Variants in CCNY observed in about 807,000 individuals in gnomAD.
CCNY encodes cyclin Y.
In CCNY, 19 loss-of-function variants were observed where a neutral mutation model predicts 42.8. The observed-to-expected ratio is 0.44, with a 90% CI of 0.31 to 0.65. The LOEUF (loss-of-function observed/expected upper bound fraction) is 0.65, where lower values mean the gene tolerates loss of function less well. Among genes scored for constraint, CCNY ranks in the 30% least tolerant of loss-of-function variants. The pLI is 0.07. For synonymous variants in CCNY, 165 were observed against 162.7 expected (o/e 1.01, Z -0.11); for missense variants, 370 against 437.3 (o/e 0.85, Z 1.37).
intron 1 of CCNY, among the ~76,000 whole-genome samples, chr10:35,404,765 G>T (rs1486659443): frequency 6.6e-6 from 1 of 152,192 alleles, no homozygotes; most frequent in Admixed American, 6.5e-5. Context: ...GACACAATCA[G>T]CAGGGAGAAC....
At chr10:35,533,680 A>G (rs1175620982) in intron 7 of CCNY, among the ~76,000 whole-genome samples, 1 of 152,188 alleles carries the variant, frequency 6.6e-6, no homozygotes, top group Non-Finnish European at 1.5e-5. Context: ...CTCCCTGCTC[A>G]TCACTTCCTG....
chr10:35,488,186 A>C (rs1839824460), intron 2 of CCNY, among the ~76,000 whole-genome samples: 1 of 152,246 alleles, frequency 6.6e-6, no homozygotes, highest in African/African-American at 2.4e-5. Context: ...CTTGAGCCAA[A>C]GTAGAAACAT....
intron 1 of CCNY, among the ~76,000 whole-genome samples, chr10:35,482,127 C>T (rs1389751657): frequency 6.6e-6 from 1 of 152,238 alleles, no homozygotes; most frequent in African/African-American, 2.4e-5. Flanking sequence ...AATCACCACA[C>T]TTCAGAAGTT....
chr10:35,565,286 G>A (rs1841546668), intron 8 of CCNY, among the ~76,000 whole-genome samples: 1 of 152,232 alleles, frequency 6.6e-6, no homozygotes, highest in South Asian at 2.1e-4. Context: ...TGGGCCCGGG[G>A]CAAGAGCCTC....
intron 1 of CCNY, among the ~76,000 whole-genome samples, chr10:35,376,020 C>G (rs564044206): frequency 6.6e-6 from 1 of 152,094 alleles, no homozygotes; most frequent in East Asian, 1.9e-4. Context: ...TTCCCTGTAC[C>G]GTGCCTTGGA....
At chr10:35,559,599 T>A (rs1332723810) in intron 8 of CCNY, among the ~76,000 whole-genome samples, 2 of 152,202 alleles carry the variant, frequency 1.3e-5, no homozygotes, top group Non-Finnish European at 2.9e-5. Context: ...GACAGATGGA[T>A]CCAGTCAGCC....
At position 35,322,478 on chromosome 10, in the gene CCNY, CAA is replaced by C. The variant is rs1273947299; in HGVS notation, c.-9+71853_-9+71854del. On this transcript the variant is annotated intron_variant, in intron 3 of 11. Coordinates refer to the CCNY transcript ENST00000374706. ...ACACACACAAAAAAACAAAAAAAGA[CAA>C]GAGCTATAAAAGAAGATAGCAAAAA... Among the ~76,000 whole-genome samples the C allele has an allele frequency of 2.0e-5, 3 of 151,448 alleles. No individual in the cohort carries two copies. In the East Asian group the frequency reaches 5.8e-4, roughly 29 times the overall value.
chr10:35,565,958 C>A, intron 8 of CCNY, 65 bp from the exon 9 acceptor site: 5 of 1,528,122 alleles, frequency 3.3e-6, no homozygotes, highest in South Asian at 2.6e-5. Context: ...CAGCAACTTG[C>A]CTTGGCAGGC....
chr10:35,360,858 C>G (rs955066810), intron 1 of CCNY, among the ~76,000 whole-genome samples: 2 of 151,776 alleles, frequency 1.3e-5, no homozygotes, highest in South Asian at 4.2e-4. Context: ...TACCAAAATG[C>G]AGATTGTTTT....
At chr10:35,398,037 C>T (rs537371788) in intron 1 of CCNY, among the ~76,000 whole-genome samples, 25 of 152,288 alleles carry the variant, frequency 1.6e-4, no homozygotes, top group Admixed American at 5.2e-4. Flanking sequence ...GAAACACCCT[C>T]ATCCATGTGG....
intron 1 of CCNY, among the ~76,000 whole-genome samples, chr10:35,388,301 G>A (rs1268593457): frequency 6.6e-6 from 1 of 152,220 alleles, no homozygotes; most frequent in African/African-American, 2.4e-5. Flanking sequence ...TCTGAGAGCA[G>A]ACATCTCAGA....
chr10:35,554,368 T>G (rs11010224), intron 8 of CCNY, among the ~76,000 whole-genome samples: 61,615 of 152,056 alleles, frequency 0.41, 13,625 homozygotes, highest in African/African-American at 0.59. Flanking sequence ...TCCTGTGTCT[T>G]TAGTTCTTTA....
At chr10:35,255,005 A>G (rs1211395076) in intron 3 of CCNY, among the ~76,000 whole-genome samples, 1 of 152,220 alleles carries the variant, frequency 6.6e-6, no homozygotes, top group Non-Finnish European at 1.5e-5. Flanking sequence ...GTGGCCTAAC[A>G]AAGGGTCTAC....
chr10:35,567,635 C>G (rs1320138450), intron 9 of CCNY, among the ~76,000 whole-genome samples: 1 of 152,196 alleles, frequency 6.6e-6, no homozygotes, highest in Non-Finnish European at 1.5e-5. Flanking sequence ...ATCATGATGG[C>G]TTGGCCACAC....
At chr10:35,435,871 T>C (rs1838520662) in intron 1 of CCNY, among the ~76,000 whole-genome samples, 1 of 152,162 alleles carries the variant, frequency 6.6e-6, no homozygotes, top group Admixed American at 6.5e-5. Flanking sequence ...ATGGCTAAGA[T>C]GTTTAAGTTC....
upstream of CCNY, among the ~76,000 whole-genome samples, chr10:35,335,644 G>A (rs918526339): frequency 1.3e-5 from 2 of 152,040 alleles, no homozygotes; most frequent in Non-Finnish European, 2.9e-5. Flanking sequence ...CTTGAAGACA[G>A]GAGTTCGATA....
chr10:35,288,425 T>G (rs1418487997), intron 3 of CCNY, among the ~76,000 whole-genome samples: 2 of 152,158 alleles, frequency 1.3e-5, no homozygotes, highest in Non-Finnish European at 2.9e-5. Context: ...ATTTGTCATA[T>G]ATATGTATAT....
At chr10:35,542,931 T>A (rs1375284275) in intron 7 of CCNY, among the ~76,000 whole-genome samples, 1 of 152,024 alleles carries the variant, frequency 6.6e-6, no homozygotes, top group Non-Finnish European at 1.5e-5. Flanking sequence ...ACAGGGAGTC[T>A]AAGAGTTGCC....
intron 2 of CCNY, among the ~76,000 whole-genome samples, chr10:35,494,385 G>A (rs1227706219): frequency 4.6e-5 from 7 of 151,960 alleles, no homozygotes; most frequent in African/African-American, 1.5e-4. Flanking sequence ...AGAATACACA[G>A]CACTTTAAGT....
Sources: gnomAD v4.1 joint callset for allele counts (sites outside exome capture counted in the v4.1 genomes callset) on GRCh38, gnomAD v4.1.1 for gene constraint, MANE v1.5 for transcripts, NCBI Gene and HGNC (gene_info 2026-07-23, HGNC 2026-07-21) for gene names.